The following SPRR2B variants were observed in gnomAD, a reference collection of about 807,000 sequenced individuals.
SPRR2B encodes the protein small proline-rich protein 2B.
SPRR2B carries 1 observed loss-of-function variant against 1.0 expected under a neutral mutation model. The ratio of observed to expected loss-of-function variants is 1.01; its 90% CI spans 0.36 to 4.77. The LOEUF is 4.77. SPRR2B is among the 30% of genes most tolerant of loss of function. The probability of loss-of-function intolerance (pLI) is 0.16; values close to 1 mark genes in which losing one functional copy is unlikely to be tolerated. For missense variants in SPRR2B, 53 were observed against 88.7 expected, an observed-to-expected ratio of 0.60 and a Z score of 1.62; for synonymous variants, 27 against 33.4, an observed-to-expected ratio of 0.81 and a Z score of 0.66.
the SPRR2B span, among the ~76,000 whole-genome samples, chr1:153,078,675 C>T: frequency 6.6e-6 from 1 of 152,132 alleles, no homozygotes; most frequent in Non-Finnish European, 1.5e-5. Flanking sequence ...CATCCATGTC[C>T]CTACAAAGGA....
chr1:153,085,084 G>A, the SPRR2B span, among the ~76,000 whole-genome samples: 1 of 152,194 alleles, frequency 6.6e-6, no homozygotes, highest in Non-Finnish European at 1.5e-5. Context: ...GAAAGAATCA[G>A]CACAAGAACT....
In SPRR2B at chr1:153,070,548, T is replaced by C; in HGVS notation, c.*73A>G. On this transcript the variant is annotated 3_prime_UTR_variant, in exon 2 of 2. Transcript: ENST00000368755. ...TCCATGATAAGCTTTGATGAGAAGA[T>C]GAAGGTGGAGCTGTGGAACGAGGTG... 6.4e-7 allele frequency: 1 copy of C among 1,564,644 alleles called. No homozygotes were observed. The highest frequency in any genetic ancestry group is 8.7e-7 in the Non-Finnish European group (1 of 1,154,934).
chr1:153,084,331 C>CA, the SPRR2B span, among the ~76,000 whole-genome samples: 125 of 152,254 alleles, frequency 8.2e-4, no homozygotes, highest in Non-Finnish European at 1.6e-3. Flanking sequence ...AGTCAGCTTC[C>CA]TTCTCCCTGG....
chr1:153,076,333 T>C (rs1654767173), upstream of SPRR2B, among the ~76,000 whole-genome samples: 1 of 152,194 alleles, frequency 6.6e-6, no homozygotes, highest in Non-Finnish European at 1.5e-5. Flanking sequence ...TCAAGAGTTA[T>C]TAGTAATATA....
the SPRR2B span, among the ~76,000 whole-genome samples, chr1:153,087,261 C>G: frequency 6.6e-6 from 1 of 151,672 alleles, no homozygotes; most frequent in African/African-American, 2.4e-5. Context: ...GCCTGGGCAA[C>G]AGAGAGTGAC....
chr1:153,076,489 G>A (rs373187233), upstream of SPRR2B, among the ~76,000 whole-genome samples: 2 of 152,142 alleles, frequency 1.3e-5, no homozygotes, highest in East Asian at 3.9e-4. Flanking sequence ...AGTCAAAAAG[G>A]AAAACAAAGA....
At chr1:153,086,917 TAAAA>T in the SPRR2B span, among the ~76,000 whole-genome samples, 1 of 152,114 alleles carries the variant, frequency 6.6e-6, no homozygotes, top group East Asian at 1.9e-4. Flanking sequence ...AAATTAAGAC[TAAAA>T]AATTCACTCC....
At position 153,070,564 on chromosome 1, in the gene SPRR2B, G is replaced by A; in HGVS notation, c.*57C>T. On this transcript the variant is annotated 3_prime_UTR_variant, in exon 2 of 2. Coordinates refer to ENST00000368755, the MANE Select transcript of SPRR2B (RefSeq NM_001388198.1). ...ATGAGAAGATGAAGGTGGAGCTGTG[G>A]AACGAGGTGAGCCAATTATCCTTAT... 1.3e-6 allele frequency: 2 copies of A among 1,574,514 alleles called. No individual in the cohort carries two copies. The highest frequency in any genetic ancestry group is 1.2e-5 in the South Asian group (1 of 83,194).
chr1:153,072,311 G>A (rs1254797124), upstream of SPRR2B, among the ~76,000 whole-genome samples: 2 of 152,172 alleles, frequency 1.3e-5, no homozygotes, highest in African/African-American at 4.8e-5. Context: ...AGTCTCCCCA[G>A]TATGTTTGCT....
chr1:153,077,582 A>AAAAAG, the SPRR2B span, among the ~76,000 whole-genome samples: 4 of 151,420 alleles, frequency 2.6e-5, no homozygotes, highest in Non-Finnish European at 4.4e-5. Context: ...CAAAAAAAAA[A>AAAAAG]GGATAGAGTT....
rs751370057 is a variant in SPRR2B, at chr1:153,070,691, C to T, written c.149G>A (p.Cys50Tyr). 1.2e-6 allele frequency: 2 copies of T among 1,611,672 alleles called. No individual in the cohort carries two copies. The highest frequency in any genetic ancestry group is 2.2e-5 in the East Asian group (1 of 44,868). ...KCPQPCPPQQ[C>Y]QQKYPPVTPS... ...TGTCACAGGAGGATATTTCTGCTGG[C>T]ACTGCTGAGGTGGGCAGGGCTGTGG... The change falls in exon 2 of 2, where the codon TGC (cysteine) becomes TAC (tyrosine). Residue 50 changes from cysteine (C) to tyrosine (Y), a missense_variant. Physicochemically the swap from Cys to Tyr is radical, Grantham distance 194. Transcript: ENST00000368755.
In SPRR2B at chr1:153,070,363, G is replaced by T; in HGVS notation, c.*258C>A. On this transcript the variant is annotated 3_prime_UTR_variant, in exon 2 of 2. Coordinates refer to ENST00000368755, the MANE Select transcript of SPRR2B (RefSeq NM_001388198.1). ...GATGGTTCCCAGGCACACAGCTGCA[G>T]CTCTTTCTGCTGAAGCTCTGGGAAC... is the stretch of plus-strand genomic sequence containing the variant. 1.6e-6 allele frequency: 1 copy of T among 631,442 alleles called. No homozygotes were observed. The allele number at this position is 631,442 out of a possible 1,614,324, so 39.1% of individuals were successfully genotyped here.
the SPRR2B span, among the ~76,000 whole-genome samples, chr1:153,083,628 G>A: frequency 1.3e-5 from 2 of 152,166 alleles, no homozygotes; most frequent in Non-Finnish European, 2.9e-5. Context: ...GCCCTGCACA[G>A]GGACACTACA....
upstream of SPRR2B, among the ~76,000 whole-genome samples, chr1:153,075,782 GTT>G (rs1654757973): frequency 6.6e-6 from 1 of 152,164 alleles, no homozygotes; most frequent in Non-Finnish European, 1.5e-5. Flanking sequence ...TGTGCCAGAA[GTT>G]TTTAGGACAA....
chr1:153,083,101 T>C, the SPRR2B span, among the ~76,000 whole-genome samples: 1 of 152,126 alleles, frequency 6.6e-6, no homozygotes, highest in Non-Finnish European at 1.5e-5. Flanking sequence ...GATAACACAG[T>C]TGGAATGAAC....
the SPRR2B span, among the ~76,000 whole-genome samples, chr1:153,083,161 T>G: frequency 1.3e-5 from 2 of 152,148 alleles, no homozygotes; most frequent in African/African-American, 4.8e-5. Context: ...ATAGATAATT[T>G]GAATAGATGT....
At chr1:153,085,566 T>C in the SPRR2B span, among the ~76,000 whole-genome samples, 222 of 152,288 alleles carry the variant, frequency 1.5e-3, no homozygotes, top group African/African-American at 5.1e-3. Flanking sequence ...TTGGTGTTGC[T>C]GAAAGAGAAG....
the SPRR2B span, among the ~76,000 whole-genome samples, chr1:153,081,456 C>A: frequency 1.3e-5 from 2 of 152,162 alleles, no homozygotes; most frequent in African/African-American, 4.8e-5. Flanking sequence ...GCAAAATTGT[C>A]CTTTAAAATG....
the SPRR2B span, among the ~76,000 whole-genome samples, chr1:153,082,823 C>A: frequency 6.6e-6 from 1 of 151,370 alleles, no homozygotes; most frequent in Non-Finnish European, 1.5e-5. Flanking sequence ...GTAAATTAAG[C>A]TAAACCCCCC....
Sources: gnomAD v4.1 joint callset for allele counts (sites outside exome capture counted in the v4.1 genomes callset) on GRCh38, gnomAD v4.1.1 for gene constraint, MANE v1.5 for transcripts, NCBI Gene and HGNC (gene_info 2026-07-23, HGNC 2026-07-21) for gene names.